The following LHFPL3 variants were observed in gnomAD, a reference collection of about 807,000 sequenced individuals.
LHFPL3 encodes LHFPL tetraspan subfamily member 3 protein.
In LHFPL3, 5 loss-of-function variants were observed where a neutral mutation model predicts 19.3. The observed-to-expected ratio is 0.26, with a 90% CI of 0.14 to 0.54. The LOEUF (loss-of-function observed/expected upper bound fraction) is 0.54, where lower values mean the gene tolerates loss of function less well. Among genes scored for constraint, LHFPL3 ranks in the 20% least tolerant of loss-of-function variants. LHFPL3 has a pLI of 0.94. For missense variants in LHFPL3, 249 were observed against 307.4 expected (o/e 0.81, Z 1.42); for synonymous variants, 133 against 126.2 (o/e 1.05, Z -0.36).
chr7:104,814,604 C>T (rs1478721322), intron 2 of LHFPL3, among the ~76,000 whole-genome samples: 15 of 152,120 alleles, frequency 9.9e-5, no homozygotes, highest in Admixed American at 7.2e-4. Context: ...TGCCCCGTTC[C>T]ACCCAGGAAC....
chr7:104,722,315 C>T (rs1049540672), intron 1 of LHFPL3, among the ~76,000 whole-genome samples: 2 of 152,168 alleles, frequency 1.3e-5, no homozygotes, highest in East Asian at 1.9e-4. Flanking sequence ...TATTTTGGCA[C>T]AGCAGAGAGG....
chr7:104,827,082 A>T (rs1772603487), intron 2 of LHFPL3, among the ~76,000 whole-genome samples: 2 of 151,898 alleles, frequency 1.3e-5, no homozygotes, highest in African/African-American at 4.9e-5. Flanking sequence ...TAGAACTTTG[A>T]TTATCGTTTA....
intron 1 of LHFPL3, among the ~76,000 whole-genome samples, chr7:104,665,467 T>C (rs569178671): frequency 1.9e-3 from 284 of 152,356 alleles, no homozygotes; most frequent in Non-Finnish European, 3.4e-3. Flanking sequence ...TTTTTAACTA[T>C]TAAAAAATTC....
intron 1 of LHFPL3, among the ~76,000 whole-genome samples, chr7:104,594,380 C>T (rs1480808420): frequency 1.3e-5 from 2 of 152,198 alleles, no homozygotes; most frequent in Non-Finnish European, 2.9e-5. Context: ...TTTCTTCTGG[C>T]TTGTAGGGTT....
At position 104,583,785 on chromosome 7, in the gene LHFPL3, G is replaced by A. The variant is rs201564915; in HGVS notation, c.446-152890G>A. Among the ~76,000 whole-genome samples, 816 of 151,470 alleles carry A rather than the reference G, an allele frequency of 5.4e-3. 33 individuals carry two copies. In the East Asian group the frequency reaches 0.097, roughly 18 times the overall value. Reference sequence around the variant, plus strand: ...ACCATCTCACACCAGTTAGAATGGCGATCATTAAAAAGTCAGGAAACAACA... The same window carrying A: ...ACCATCTCACACCAGTTAGAATGGCAATCATTAAAAAGTCAGGAAACAACA... On this transcript the variant is annotated intron_variant, in intron 1 of 2. Coordinates refer to ENST00000424859, the MANE Select transcript of LHFPL3 (RefSeq NM_199000.3).
intron 2 of LHFPL3, among the ~76,000 whole-genome samples, chr7:104,871,313 T>A (rs1471964407): frequency 2.6e-5 from 4 of 152,092 alleles, no homozygotes; most frequent in Non-Finnish European, 4.4e-5. Flanking sequence ...ATAGAAAAGG[T>A]ACAGTAAAAA....
intron 1 of LHFPL3, among the ~76,000 whole-genome samples, chr7:104,653,672 C>T (rs1792073171): frequency 6.6e-6 from 1 of 152,202 alleles, no homozygotes; most frequent in Admixed American, 6.5e-5. Flanking sequence ...CCTGGTTTGA[C>T]CCCATCCATG....
At chr7:104,334,065 T>C (rs564530775) in intron 1 of LHFPL3, among the ~76,000 whole-genome samples, 9 of 152,332 alleles carry the variant, frequency 5.9e-5, no homozygotes, top group African/African-American at 1.9e-4. Context: ...TGGTTTACAG[T>C]AAGTAGGCCC....
At chr7:104,358,265 C>T (rs989289290) in intron 1 of LHFPL3, among the ~76,000 whole-genome samples, 1 of 152,062 alleles carries the variant, frequency 6.6e-6, no homozygotes, top group Non-Finnish European at 1.5e-5. Context: ...CACTTAATAC[C>T]GTTCAGTTGT....
chr7:104,640,460 T>C (rs1226948778), intron 1 of LHFPL3, among the ~76,000 whole-genome samples: 1 of 152,248 alleles, frequency 6.6e-6, no homozygotes, highest in African/African-American at 2.4e-5. Context: ...CTCATTCCTT[T>C]TTATGGCTAC....
chr7:104,543,986 C>T (rs1040951031), intron 1 of LHFPL3, among the ~76,000 whole-genome samples: 1 of 150,462 alleles, frequency 6.6e-6, no homozygotes, highest in Non-Finnish European at 1.5e-5. Context: ...CACACGTATA[C>T]CTATGTGACA....
At chr7:104,709,314 AG>A (rs1399524306) in intron 1 of LHFPL3, among the ~76,000 whole-genome samples, 1 of 139,016 alleles carries the variant, frequency 7.2e-6, no homozygotes, top group Non-Finnish European at 1.6e-5. Flanking sequence ...ACAATAGTGG[AG>A]GGAAGGTCAG....
chr7:104,717,164 A>T (rs1487125426), intron 1 of LHFPL3, among the ~76,000 whole-genome samples: 1 of 152,200 alleles, frequency 6.6e-6, no homozygotes, highest in Admixed American at 6.5e-5. Context: ...GTCAAAATGG[A>T]TTAAGGACTT....
chr7:104,825,794 T>A lies in LHFPL3; in HGVS notation c.683-80393T>A, dbSNP rs894893207. On this transcript the variant is annotated intron_variant, in intron 2 of 2. Transcript: ENST00000424859. Reference sequence around the variant, plus strand: ...TGCAGCAGCTCCAACACATTTGCATTTTAGACAAAAAGAAGGAAGAAGAGG... The same window carrying A: ...TGCAGCAGCTCCAACACATTTGCATATTAGACAAAAAGAAGGAAGAAGAGG... Among the ~76,000 whole-genome samples, 5 of 151,816 alleles carry A rather than the reference T, an allele frequency of 3.3e-5. No homozygotes were observed. The East Asian group carries it at 9.7e-4, about 29-fold the overall frequency.
Position 104,468,658 on chromosome 7 carries a change from C to CTT in LHFPL3, c.445+139449_445+139450dup, listed in dbSNP as rs11388073. ...CAAAGTAGAAAGGTCTTGTATAAAC[C>CTT]TTTTTTTTTTTTTTTTCCGAGTTGG... On this transcript the variant is annotated intron_variant, in intron 1 of 2. Transcript: ENST00000424859. Among the ~76,000 whole-genome samples the CTT allele has an allele frequency of 3.8e-3, 525 of 137,276 alleles. 2 individuals carry two copies. Among genetic ancestry groups the CTT allele is most frequent in the Middle Eastern group, 7.5e-3 (2 of 268 alleles). 90.1% of individuals were successfully genotyped at this position (137,276 alleles called of 152,430 possible). A position where few individuals can be genotyped will look rare whatever the true frequency, so the allele number is the denominator to read the frequency against.
chr7:104,812,217 G>A (rs1790482651), intron 2 of LHFPL3, among the ~76,000 whole-genome samples: 1 of 152,184 alleles, frequency 6.6e-6, no homozygotes, highest in Non-Finnish European at 1.5e-5. Context: ...GTAATTTGCT[G>A]GCGTGACCAT....
intron 1 of LHFPL3, among the ~76,000 whole-genome samples, chr7:104,363,694 A>T (rs922421018): frequency 1.3e-5 from 2 of 152,220 alleles, no homozygotes; most frequent in Non-Finnish European, 2.9e-5. Context: ...CAGATGCCTC[A>T]TTTAACCTAG....
At chr7:104,342,702 T>C (rs1049590322) in intron 1 of LHFPL3, among the ~76,000 whole-genome samples, 2 of 152,186 alleles carry the variant, frequency 1.3e-5, no homozygotes, top group Non-Finnish European at 1.5e-5. Flanking sequence ...TTTTCCGTCT[T>C]ATACTCAGAG....
At chr7:104,599,235 T>C (rs555786128) in intron 1 of LHFPL3, among the ~76,000 whole-genome samples, 1 of 152,378 alleles carries the variant, frequency 6.6e-6, no homozygotes, top group South Asian at 2.1e-4. Context: ...TCTACTAGTT[T>C]ATATGATTTA....
Sources: gnomAD v4.1 joint callset for allele counts (sites outside exome capture counted in the v4.1 genomes callset) on GRCh38, gnomAD v4.1.1 for gene constraint, MANE v1.5 for transcripts, NCBI Gene and HGNC (gene_info 2026-07-23, HGNC 2026-07-21) for gene names.